The following RSF1 variants were observed in gnomAD, a reference collection of about 807,000 sequenced individuals.
The protein encoded by RSF1 is HBV pX-associated protein 8.
RSF1 carries 13 observed loss-of-function variants against 145.2 expected under a neutral mutation model. The ratio of observed to expected loss-of-function variants is 0.09; its 90% CI spans 0.06 to 0.14. RSF1 has a LOEUF of 0.14. Among genes scored for constraint, RSF1 ranks in the 10% least tolerant of loss-of-function variants. The pLI is 1.00. For synonymous variants in RSF1, 577 were observed against 592.6 expected, an observed-to-expected ratio of 0.97 and a Z score of 0.38; for missense variants, 1,517 against 1,718.2, an observed-to-expected ratio of 0.88 and a Z score of 2.07.
chr11:77,671,208 T>C (rs59201805), intron 15 of RSF1, among the ~76,000 whole-genome samples: 15 of 116,670 alleles, frequency 1.3e-4, no homozygotes, highest in African/African-American at 4.0e-4. Flanking sequence ...TATATATATA[T>C]ACACTATATA....
At chr11:77,872,052 T>C in the RSF1 span, 2 of 1,130,286 alleles carry the variant, frequency 1.8e-6, no homozygotes, top group Non-Finnish European at 2.4e-6. Flanking sequence ...GGTGATACAC[T>C]GAGTGATCGT....
intron 5 of RSF1, among the ~76,000 whole-genome samples, chr11:77,704,005 C>T (rs966800583): frequency 6.6e-6 from 1 of 152,196 alleles, no homozygotes; most frequent in Non-Finnish European, 1.5e-5. Flanking sequence ...TTAAAAATAA[C>T]TTCAACTGCC....
chr11:77,849,303 C>G, the RSF1 span, among the ~76,000 whole-genome samples: 1 of 152,062 alleles, frequency 6.6e-6, no homozygotes, highest in Admixed American at 6.5e-5. Flanking sequence ...CTCACTGCAA[C>G]CTCTGACTCC....
At position 77,769,379 on chromosome 11, in the gene RSF1, C is replaced by T. The variant is rs946137833; in HGVS notation, c.188-4690G>A. Among the ~76,000 whole-genome samples, 32 of 152,210 alleles carry T rather than the reference C, an allele frequency of 2.1e-4. 1 individual carries two copies. The highest frequency in any genetic ancestry group is 9.6e-5 in the African/African-American group (4 of 41,458). ...AGTTTCATTTCCAGAAGATAATTAA[C>T]TTCTTTCTAAAGATTTACTGATTAG... On this transcript the variant is annotated intron_variant, in intron 1 of 15. Coordinates refer to ENST00000308488, the MANE Select transcript of RSF1 (RefSeq NM_016578.4).
At chr11:77,857,465 C>T in the RSF1 span, among the ~76,000 whole-genome samples, 1 of 152,146 alleles carries the variant, frequency 6.6e-6, no homozygotes, top group Non-Finnish European at 1.5e-5. Context: ...GGAATATCTA[C>T]AAATATTTAT....
At chr11:77,863,228 G>A in the RSF1 span, among the ~76,000 whole-genome samples, 1 of 152,154 alleles carries the variant, frequency 6.6e-6, no homozygotes, top group Non-Finnish European at 1.5e-5. Flanking sequence ...AGCCATGCAG[G>A]AACAATGGCA....
chr11:77,789,976 T>A (rs1035892420), intron 1 of RSF1, among the ~76,000 whole-genome samples: 7 of 152,126 alleles, frequency 4.6e-5, no homozygotes, highest in African/African-American at 1.4e-4. Flanking sequence ...GCCCAGTCTA[T>A]CACAGCCACC....
chr11:77,784,344 GTTTA>G (rs1176373397), intron 1 of RSF1, among the ~76,000 whole-genome samples: 3 of 151,454 alleles, frequency 2.0e-5, no homozygotes, highest in Non-Finnish European at 4.4e-5. Context: ...AGTTCTATAT[GTTTA>G]TTTTTCTTAT....
In RSF1 at chr11:77,808,695, G is replaced by A. The variant is rs948619666; in HGVS notation, c.187+11833C>T. ...ACTACAGGCGCCCGCCACTACGCCCGGCTAATTTTTTGTATTTTTAGTAGA... is the reference window on the plus strand; with the variant it reads ...ACTACAGGCGCCCGCCACTACGCCCAGCTAATTTTTTGTATTTTTAGTAGA... On this transcript the variant is annotated intron_variant, in intron 1 of 15. Transcript: ENST00000308488. Among the ~76,000 whole-genome samples, 20 of 136,308 alleles carry A rather than the reference G, an allele frequency of 1.5e-4. 2 individuals are homozygous for A. The highest frequency in any genetic ancestry group is 1.8e-4 in the Non-Finnish European group (12 of 65,484). 89.4% of individuals were successfully genotyped at this position (136,308 alleles called of 152,430 possible). A position where few individuals can be genotyped will look rare whatever the true frequency, so the allele number is the denominator to read the frequency against.
At chr11:77,796,458 CAGCCT>C (rs766519863) in intron 1 of RSF1, among the ~76,000 whole-genome samples, 2 of 152,132 alleles carry the variant, frequency 1.3e-5, no homozygotes, top group Admixed American at 6.5e-5. Context: ...CAAAATTGAA[CAGCCT>C]TTCATGCTAA....
intron 1 of RSF1, among the ~76,000 whole-genome samples, chr11:77,788,222 G>C (rs1398024725): frequency 1.2e-4 from 14 of 115,786 alleles, no homozygotes; most frequent in African/African-American, 4.5e-4. Context: ...GGCATGCAAA[G>C]GAAGCAGAAA....
chr11:77,675,335 T>C lies in RSF1; in HGVS notation c.3342-79A>G, dbSNP rs1418684292. 8 of 1,114,200 alleles carry C rather than the reference T, an allele frequency of 7.2e-6. No individual in the cohort carries two copies. The African/African-American group carries it at 1.3e-4, about 17-fold the overall frequency. The allele number at this position is 1,114,200 out of a possible 1,614,324, so 69.0% of individuals were successfully genotyped here. On this transcript the variant is annotated intron_variant, in intron 13 of 15. Transcript: ENST00000308488. ...TTTTAAGAGTTCTGAGTTCAAATTCTGGTGAGCCCAGTGAATCATTAAGTA... is the reference window on the plus strand; with the variant it reads ...TTTTAAGAGTTCTGAGTTCAAATTCCGGTGAGCCCAGTGAATCATTAAGTA...
the RSF1 span, among the ~76,000 whole-genome samples, chr11:77,852,944 G>T: frequency 6.6e-6 from 1 of 151,926 alleles, no homozygotes; most frequent in Non-Finnish European, 1.5e-5. Flanking sequence ...TAGTCCTAAG[G>T]GATGGGTACT....
At chr11:77,777,099 C>CT (rs1025411273) in intron 1 of RSF1, among the ~76,000 whole-genome samples, 8 of 152,112 alleles carry the variant, frequency 5.3e-5, no homozygotes, top group South Asian at 2.1e-4. Context: ...ATGAACAAGA[C>CT]TTTTTTTCTT....
In RSF1 at chr11:77,820,515, G is replaced by A. The variant is rs754949907; in HGVS notation, c.187+13C>T. 4 of 1,546,866 alleles carry A rather than the reference G, an allele frequency of 2.6e-6. No individual in the cohort carries two copies. Among genetic ancestry groups the A allele is most frequent in the Non-Finnish European group, 3.5e-6 (4 of 1,146,250 alleles). On this transcript the variant is annotated intron_variant, in intron 1 of 15. Coordinates refer to ENST00000308488, the MANE Select transcript of RSF1 (RefSeq NM_016578.4). The stretch of plus-strand genomic sequence containing the variant: ...GGGCCGCTTCCCGCCGGGCGTTCGG[G>A]CCCCTCGCTTACCTTCTCCGTTGCC...
chr11:77,831,175 T>C, the RSF1 span, among the ~76,000 whole-genome samples: 5 of 151,910 alleles, frequency 3.3e-5, no homozygotes, highest in Non-Finnish European at 7.4e-5. Context: ...AAAATACCAC[T>C]TCACACCCAC....
chr11:77,677,098 T>C (rs1442758978), intron 12 of RSF1, 99 bp from the exon 13 acceptor site: 1 of 854,630 alleles, frequency 1.2e-6, no homozygotes, highest in Non-Finnish European at 1.8e-6. Context: ...GCTTAGCAGC[T>C]CTTCATTTCT....
At chr11:77,789,826 A>C (rs751728663) in intron 1 of RSF1, among the ~76,000 whole-genome samples, 9 of 152,206 alleles carry the variant, frequency 5.9e-5, no homozygotes, top group Non-Finnish European at 1.2e-4. Flanking sequence ...CACATTCTGG[A>C]AACAGGGGAC....
chr11:77,698,740 T>C, intron 6 of RSF1, 47 bp from the exon 7 acceptor site: 1 of 1,507,414 alleles, frequency 6.6e-7, no homozygotes, highest in Non-Finnish European at 9.2e-7. Context: ...TAAGAATGTC[T>C]TTTAAAAATC....
Sources: gnomAD v4.1 joint callset for allele counts (sites outside exome capture counted in the v4.1 genomes callset) on GRCh38, gnomAD v4.1.1 for gene constraint, MANE v1.5 for transcripts, NCBI Gene and HGNC (gene_info 2026-07-23, HGNC 2026-07-21) for gene names.